JCAD: variants seen among roughly 807,000 people sequenced by gnomAD.
JCAD encodes junctional cadherin 5-associated protein.
A neutral mutation model predicts 98.0 loss-of-function variants in JCAD; 40 were observed. The ratio of observed to expected loss-of-function variants is 0.41; its 90% confidence interval spans 0.32 to 0.53. The LOEUF (loss-of-function observed/expected upper bound fraction) is 0.53. JCAD is among the 20% of genes least tolerant of loss of function. The pLI is 0.31. For synonymous variants in JCAD, 691 were observed against 682.3 expected (o/e 1.01, Z -0.20); for missense variants, 1,705 against 1,738.1 (o/e 0.98, Z 0.34).
In JCAD at chr10:30,025,967, T is replaced by C. The variant is rs370102199; in HGVS notation, c.4045+136A>G. ...TAATTCTTCGAAAATGAGGAATCTT[T>C]TGATAAAACAATTCCCAGGGTCAAC... On this transcript the variant is annotated intron_variant, in intron 3 of 3. Coordinates refer to ENST00000375377, the MANE Select transcript of JCAD (RefSeq NM_020848.4). 17 of 1,000,118 alleles carry C rather than the reference T, an allele frequency of 1.7e-5. No individual in the cohort carries two copies. The South Asian group carries it at 1.9e-4, about 11-fold the overall frequency. The allele number at this position is 1,000,118 out of a possible 1,614,324, so 62.0% of individuals were successfully genotyped here. A position where few individuals can be genotyped will look rare whatever the true frequency, so the allele number is the denominator to read the frequency against.
chr10:30,026,047 C>T lies in JCAD; in HGVS notation c.4045+56G>A, dbSNP rs748264762. 90 of 1,598,138 alleles carry T rather than the reference C, an allele frequency of 5.6e-5. 1 individual carries two copies. The South Asian group carries it at 8.3e-4, about 15-fold the overall frequency. On this transcript the variant is annotated intron_variant, in intron 3 of 3. Transcript: ENST00000375377. ...TTATCCACCAACCTGGTATTTTGTA[C>T]TGACTAAAAACTCCAAATGTATACT...
At chr10:30,053,744 C>T (rs1346919030) in intron 1 of JCAD, among the ~76,000 whole-genome samples, 1 of 151,014 alleles carries the variant, frequency 6.6e-6, no homozygotes, top group Non-Finnish European at 1.5e-5. Context: ...CAAAATTAGA[C>T]TAAATGTCTA....
chr10:30,091,919 C>A (rs1488982735), intron 1 of JCAD, among the ~76,000 whole-genome samples: 1 of 142,874 alleles, frequency 7.0e-6, no homozygotes, highest in Non-Finnish European at 1.5e-5. Flanking sequence ...TCCCAGCTAC[C>A]TGGGAGGCTG....
intron 2 of JCAD, 94 bp downstream of exon 2, chr10:30,047,438 T>C: frequency 6.9e-7 from 1 of 1,443,204 alleles, no homozygotes; most frequent in Non-Finnish European, 9.4e-7. Context: ...TCCTTGGCCC[T>C]GGCCAAATAT....
At chr10:30,110,005 G>A (rs902383455) in intron 1 of JCAD, among the ~76,000 whole-genome samples, 3 of 151,852 alleles carry the variant, frequency 2.0e-5, no homozygotes, top group African/African-American at 4.8e-5. Flanking sequence ...GACCCCTGAT[G>A]TATGTATGGA....
At chr10:30,068,118 G>A (rs924774811) in intron 2 of JCAD, among the ~76,000 whole-genome samples, 1 of 152,192 alleles carries the variant, frequency 6.6e-6, no homozygotes, top group African/African-American at 2.4e-5. Context: ...GCCGGGTGCG[G>A]TGGCTCAGGC....
At position 30,038,583 on chromosome 10, in the gene JCAD, G is replaced by A. The variant is rs7093053; in HGVS notation, c.282-8717C>T. ...TGAGTGCCTGTGGTCCTAGCTACTC[G>A]AGATGAGCGGGAGGATTGCTTGAGC... On this transcript the variant is annotated intron_variant, in intron 2 of 3. Transcript: ENST00000375377. Among the ~76,000 whole-genome samples the A allele has an allele frequency of 7.7e-3, 1,173 of 151,384 alleles. 19 individuals carry two copies. Among genetic ancestry groups the A allele is most frequent in the South Asian group, 0.056 (270 of 4,790 alleles).
chr10:30,062,096 T>A (rs73598344), upstream of JCAD, among the ~76,000 whole-genome samples: 1,453 of 152,192 alleles, frequency 9.5e-3, 25 homozygotes, highest in African/African-American at 0.033. Flanking sequence ...TTGCAGTAAA[T>A]CAGAAAACAA....
intron 1 of JCAD, among the ~76,000 whole-genome samples, chr10:30,053,969 G>A (rs1467257665): frequency 2.0e-5 from 3 of 152,142 alleles, no homozygotes; most frequent in African/African-American, 7.2e-5. Flanking sequence ...GGCTGAGGTG[G>A]GAGAATGGCT....
intron 1 of JCAD, among the ~76,000 whole-genome samples, chr10:30,051,282 A>ATG (rs1408179417): frequency 3.3e-4 from 33 of 101,324 alleles, no homozygotes; most frequent in Admixed American, 3.8e-4. Context: ...GCACACACGC[A>ATG]CGCACACACA....
At chr10:30,079,443 T>C (rs1379736562) in intron 1 of JCAD, among the ~76,000 whole-genome samples, 1 of 152,058 alleles carries the variant, frequency 6.6e-6, no homozygotes, top group East Asian at 1.9e-4. Context: ...CTTGAAGTGA[T>C]GCAGATGTTA....
intron 1 of JCAD, among the ~76,000 whole-genome samples, chr10:30,088,402 T>C (rs1446491942): frequency 6.6e-6 from 1 of 152,154 alleles, no homozygotes; most frequent in Non-Finnish European, 1.5e-5. Context: ...GCCAAAGCTG[T>C]AGGAGTTCTC....
chr10:30,112,670 G>A (rs996837775), intron 1 of JCAD, among the ~76,000 whole-genome samples: 2 of 151,220 alleles, frequency 1.3e-5, no homozygotes, highest in Non-Finnish European at 3.0e-5. Flanking sequence ...TCAGGAGATC[G>A]AGACCAGCCT....
Position 30,027,821 on chromosome 10 carries a change from G to A in JCAD, c.2327C>T (p.Thr776Met), listed in dbSNP as rs1836867577. ...RTSLSVDQAP[T>M]PKAGRSQPCV... is the part of the protein sequence containing the mutation. Reference sequence around the variant, plus strand: ...GGGCTGACTTCGGCCTGCTTTTGGCGTCGGTGCCTGGTCCACGGACAAGGA... The same window carrying A: ...GGGCTGACTTCGGCCTGCTTTTGGCATCGGTGCCTGGTCCACGGACAAGGA... Residue 776 changes from threonine to methionine, a missense_variant, in exon 3 of 4, where the codon ACG becomes ATG. Physicochemically the swap from Thr to Met is moderately conservative, Grantham distance 81. Transcript: ENST00000375377. The A allele has an allele frequency of 1.2e-6, 2 of 1,614,144 alleles. No individual in the cohort carries two copies. The highest frequency in any genetic ancestry group is 1.7e-6 in the Non-Finnish European group (2 of 1,180,054).
In JCAD at chr10:30,090,812, G is replaced by A. The variant is rs536767681; in HGVS notation, n.129-20991C>T. ...GCTCATTGTCTGTCCGTTAGCTTCT[G>A]CTCTAATTCACATGCTATTGATAAA... On this transcript the variant is annotated intron_variant and non_coding_transcript_variant, in intron 1 of 2. Transcript: ENST00000465712. Among the ~76,000 whole-genome samples, 15 of 152,282 alleles carry A rather than the reference G, an allele frequency of 9.9e-5. 1 individual carries two copies. The South Asian group carries it at 2.9e-3, about 29-fold the overall frequency.
At chr10:30,094,299 A>G (rs1838333152) in intron 1 of JCAD, among the ~76,000 whole-genome samples, 1 of 151,990 alleles carries the variant, frequency 6.6e-6, no homozygotes, top group African/African-American at 2.4e-5. Flanking sequence ...AAAATACAAA[A>G]ATTAGCCAGG....
chr10:30,028,897 A>G lies in JCAD; in HGVS notation c.1251T>C (p.Tyr417=), dbSNP rs7920682. The change falls in exon 3 of 4, where the codon TAT becomes TAC. Residue 417 remains tyrosine (Y), a synonymous_variant. Coordinates refer to ENST00000375377, the MANE Select transcript of JCAD (RefSeq NM_020848.4). ...AGGGAATGTACTGAACGAAGCCGTC[A>G]TAGGCAGTGACAGGTCGGGGATGTG... is the stretch of plus-strand genomic sequence containing the variant. The part of the protein sequence containing the change: ...LPAHPRPVTA[Y]DGFVQYIPFD... 769,397 of 1,613,392 alleles carry G rather than the reference A, an allele frequency of 0.48. 190,772 individuals carry two copies. The highest frequency in any genetic ancestry group is 0.85 in the African/African-American group (63,846 of 74,796).
chr10:30,104,395 A>G (rs1469696494), intron 1 of JCAD, among the ~76,000 whole-genome samples: 1 of 152,268 alleles, frequency 6.6e-6, no homozygotes, highest in African/African-American at 2.4e-5. Context: ...CTATGCAGCC[A>G]TAAGAAAGAA....
chr10:30,037,140 C>A (rs1163915136), intron 2 of JCAD, among the ~76,000 whole-genome samples: 1 of 152,234 alleles, frequency 6.6e-6, no homozygotes, highest in Non-Finnish European at 1.5e-5. Context: ...ACCCCGCTGT[C>A]AGGTGCCTAA....
Sources: gnomAD v4.1 joint callset for allele counts (sites outside exome capture counted in the v4.1 genomes callset) on GRCh38, gnomAD v4.1.1 for gene constraint, MANE v1.5 for transcripts, NCBI Gene and HGNC (gene_info 2026-07-23, HGNC 2026-07-21) for gene names.